ADAMTS19: variants seen among roughly 807,000 people sequenced by gnomAD.
The protein encoded by ADAMTS19 is A disintegrin and metalloproteinase with thrombospondin motifs 19.
ADAMTS19 carries 93 observed loss-of-function variants against 153.3 expected under a neutral mutation model. The observed-to-expected ratio is 0.61, with a 90% CI of 0.51 to 0.72. The LOEUF (loss-of-function observed/expected upper bound fraction) is 0.72. Among genes scored for constraint, ADAMTS19 ranks in the 30% least tolerant of loss-of-function variants. ADAMTS19 has a pLI of 0.00. For synonymous variants in ADAMTS19, 600 were observed against 556.6 expected (o/e 1.08, Z -1.10); for missense variants, 1,482 against 1,552.1 (o/e 0.95, Z 0.76).
At position 129,461,588 on chromosome 5, in the gene ADAMTS19, T is replaced by G; in HGVS notation, c.578T>G (p.Leu193Arg). 6.3e-7 allele frequency: 1 copy of G among 1,579,388 alleles called. No homozygotes were observed. Residue 193 changes from leucine (L) to arginine (R), a missense_variant, in exon 2 of 23, where the codon CTG (leucine) becomes CGG (arginine). By Grantham distance (102) the Leu-to-Arg change is moderately radical. This residue lies in a region of ADAMTS19 where 866 missense variants were observed against 827.7 expected (regional missense o/e 1.05). Transcript: ENST00000274487. The surrounding 1 kb of genome is among the most constrained non-coding windows in gnomAD (Gnocchi z 4.6). ...YLLLRRDGRF[L>R]APRFAVEQRP... is the part of the protein sequence containing the mutation. Reference sequence around the variant, plus strand: ...CTGCTCCGGAGAGACGGCCGCTTCCTGGCGCCGCGCTTCGCAGTGGAACAG... The same window carrying G: ...CTGCTCCGGAGAGACGGCCGCTTCCGGGCGCCGCGCTTCGCAGTGGAACAG...
chr5:129,509,739 G>A (rs777806102), intron 3 of ADAMTS19, among the ~76,000 whole-genome samples: 9 of 151,854 alleles, frequency 5.9e-5, no homozygotes, highest in Admixed American at 4.0e-4. Context: ...TTATACGTTC[G>A]AATTTTGTTC....
intron 6 of ADAMTS19, among the ~76,000 whole-genome samples, chr5:129,547,329 T>C (rs1457213545): frequency 6.6e-6 from 1 of 150,838 alleles, no homozygotes; most frequent in East Asian, 1.9e-4. Context: ...AGAGGGAACA[T>C]GATACTGCTG....
At chr5:129,677,365 A>G (rs546545865) in intron 16 of ADAMTS19, among the ~76,000 whole-genome samples, 1 of 151,994 alleles carries the variant, frequency 6.6e-6, no homozygotes, top group South Asian at 2.1e-4. Flanking sequence ...AATCCCAGCT[A>G]CTCGGGATGC....
intron 18 of ADAMTS19, among the ~76,000 whole-genome samples, chr5:129,690,550 G>A (rs1017021745): frequency 6.6e-6 from 1 of 152,064 alleles, no homozygotes; most frequent in Non-Finnish European, 1.5e-5. Context: ...ATAAAAAAAT[G>A]AACTAGTCAT....
At chr5:129,498,875 C>G (rs550601348) in intron 2 of ADAMTS19, among the ~76,000 whole-genome samples, 1 of 130,896 alleles carries the variant, frequency 7.6e-6, no homozygotes, top group East Asian at 2.2e-4. Context: ...GTGTATTTTT[C>G]TGAATACCTG....
intron 10 of ADAMTS19, among the ~76,000 whole-genome samples, chr5:129,641,261 C>T (rs1030188110): frequency 6.6e-6 from 1 of 152,064 alleles, no homozygotes; most frequent in African/African-American, 2.4e-5. Context: ...TTTTTTATTC[C>T]CTTTAACATT....
chr5:129,641,054 A>G (rs1752766696), intron 10 of ADAMTS19, among the ~76,000 whole-genome samples: 1 of 152,158 alleles, frequency 6.6e-6, no homozygotes, highest in Non-Finnish European at 1.5e-5. Flanking sequence ...TGTTAACAAT[A>G]TGTGTGAGTC....
intron 7 of ADAMTS19, among the ~76,000 whole-genome samples, chr5:129,566,974 G>GGGCT (rs1554094115): frequency 6.6e-6 from 1 of 151,442 alleles, no homozygotes. Flanking sequence ...TCTGAAAGCA[G>GGGCT]GAAATGAGAA....
At chr5:129,609,418 A>G (rs1581140893) in intron 8 of ADAMTS19, among the ~76,000 whole-genome samples, 1 of 152,192 alleles carries the variant, frequency 6.6e-6, no homozygotes, top group Non-Finnish European at 1.5e-5. Flanking sequence ...AATAATTAGT[A>G]GTATTATAGT....
In ADAMTS19 at chr5:129,694,770, A is replaced by C. The variant is rs1755481380; in HGVS notation, c.2869A>C (p.Ser957Arg). Residue 957 changes from serine to arginine, a missense_variant, in exon 19 of 23, where the codon AGC becomes CGC. By Grantham distance (110) the Ser-to-Arg change is moderately radical. This residue lies in a region of ADAMTS19 where 616 missense variants were observed against 724.4 expected (regional missense o/e 0.85). Transcript: ENST00000274487. Reference sequence around the variant, plus strand: ...CACAAAAATCATGAGCAAAAATATCAGCATTGTGGACAATGAGAAATGCAA... The same window carrying C: ...CACAAAAATCATGAGCAAAAATATCCGCATTGTGGACAATGAGAAATGCAA... ...SCTKIMSKNISIVDNEKCKYL... is the reference protein window; with the variant it reads ...SCTKIMSKNIRIVDNEKCKYL... 1 of 1,608,212 alleles carries C rather than the reference A, an allele frequency of 6.2e-7. No homozygotes were observed.
chr5:129,539,545 T>C (rs1309719887), intron 6 of ADAMTS19, among the ~76,000 whole-genome samples: 3 of 152,230 alleles, frequency 2.0e-5, no homozygotes, highest in Non-Finnish European at 2.9e-5. Flanking sequence ...TAATCTGTTA[T>C]AGCAGCAATC....
intron 8 of ADAMTS19, among the ~76,000 whole-genome samples, chr5:129,608,090 A>ATATGTGTG (rs1554098184): frequency 1.9e-5 from 2 of 104,546 alleles, no homozygotes; most frequent in African/African-American, 7.8e-5. Context: ...TTTTATATAT[A>ATATGTGTG]TGTGTGTGTG....
At chr5:129,679,718 G>A in intron 16 of ADAMTS19, 46 bp from the exon 17 acceptor site, 1 of 1,439,894 alleles carries the variant, frequency 6.9e-7, no homozygotes, top group Non-Finnish European at 9.4e-7. Context: ...GTTGATCAAT[G>A]AAGCTGACTT....
chr5:129,684,228 T>G lies in ADAMTS19; in HGVS notation c.2773T>G (p.Trp925Gly). 6.2e-7 allele frequency: 1 copy of G among 1,614,168 alleles called. No individual in the cohort carries two copies. The highest frequency in any genetic ancestry group is 1.1e-5 in the South Asian group (1 of 91,080). The change falls in exon 18 of 23, where the codon TGG becomes GGG. Residue 925 changes from tryptophan (W) to glycine (G), a missense_variant. Around this residue, in one of 2 missense-constraint regions of ADAMTS19, gnomAD observed 616 missense variants for 724.4 expected, o/e 0.85. Coordinates refer to ENST00000274487, the MANE Select transcript of ADAMTS19 (RefSeq NM_133638.6). ...TAAAGCACCTGAGCCCCTCTTCATG[T>G]GGACACACACAAGCTGGGAAGATTG... is the stretch of plus-strand genomic sequence containing the variant. ...SSKAPEPLFMWTHTSWEDCDA... is the reference protein window; with the variant it reads ...SSKAPEPLFMGTHTSWEDCDA...
rs149334186 is a variant in ADAMTS19, at chr5:129,603,441, G to T, written c.1478+6777G>T. On this transcript the variant is annotated intron_variant, in intron 8 of 22. Transcript: ENST00000274487. ...TAGATTATTTTGTTATATAAATAAA[G>T]ATACCATATTTTTATATACACACAT... is the stretch of plus-strand genomic sequence containing the variant. 2.8e-3 allele frequency among the ~76,000 whole-genome samples: 423 copies of T among 152,182 alleles called. 1 individual carries two copies. Among genetic ancestry groups the T allele is most frequent in the African/African-American group, 9.2e-3 (381 of 41,520 alleles).
intron 2 of ADAMTS19, among the ~76,000 whole-genome samples, chr5:129,464,004 A>C (rs1381399197): frequency 1.3e-5 from 2 of 152,154 alleles, no homozygotes; most frequent in Non-Finnish European, 2.9e-5. Context: ...AGAGGTGGGG[A>C]ATGCTTCCCA....
At chr5:129,676,927 A>G (rs1457517159) in intron 16 of ADAMTS19, among the ~76,000 whole-genome samples, 1 of 152,168 alleles carries the variant, frequency 6.6e-6, no homozygotes, top group Non-Finnish European at 1.5e-5. Flanking sequence ...AGGCATTTTA[A>G]TTAGAGATTT....
intron 7 of ADAMTS19, among the ~76,000 whole-genome samples, chr5:129,570,466 G>C (rs1464391607): frequency 6.6e-6 from 1 of 151,502 alleles, no homozygotes; most frequent in Non-Finnish European, 1.5e-5. Context: ...CCAGCACTAG[G>C]ATGTTTCATT....
intron 7 of ADAMTS19, among the ~76,000 whole-genome samples, chr5:129,568,480 A>G (rs538825333): frequency 6.6e-6 from 1 of 152,246 alleles, no homozygotes; most frequent in Admixed American, 6.5e-5. Flanking sequence ...TGTAAAACCT[A>G]TGGGAAGCAA....
Sources: allele counts gnomAD v4.1 joint callset (sites outside exome capture counted in the v4.1 genomes callset), GRCh38; gene constraint gnomAD v4.1.1; regional missense constraint gnomAD v4.1.1; non-coding constraint Gnocchi (gnomAD v3.1); transcripts MANE v1.5; gene names NCBI Gene and HGNC (gene_info 2026-07-23, HGNC 2026-07-21).